The following CARMIL1 variants were observed in gnomAD, a reference collection of about 807,000 sequenced individuals.
CARMIL1 encodes F-actin-uncapping protein LRRC16A.
A neutral mutation model predicts 177.1 loss-of-function variants in CARMIL1; 90 were observed. That is an observed-to-expected ratio of 0.51 (90% CI 0.43 to 0.61). The LOEUF is 0.61. Among genes scored for constraint, CARMIL1 ranks in the 20% least tolerant of loss-of-function variants. The pLI is 0.00. For synonymous variants in CARMIL1, 577 were observed against 606.2 expected, an observed-to-expected ratio of 0.95 and a Z score of 0.71; for missense variants, 1,380 against 1,667.0, an observed-to-expected ratio of 0.83 and a Z score of 3.00.
chr6:25,379,686 C>T (rs1791341118), intron 2 of CARMIL1, among the ~76,000 whole-genome samples: 1 of 152,150 alleles, frequency 6.6e-6, no homozygotes, highest in South Asian at 2.1e-4. Flanking sequence ...TGCCTTTGAT[C>T]TCTTCACATT....
rs1300643402 is a variant in CARMIL1 at position 25,340,619 on chromosome 6, A to T, written c.138+55710A>T. ...CAAACCCTGGCCACCTATCTTTGAGATATATGCTGTTGGCCACAGGAGCAT... is the reference window on the plus strand; with the variant it reads ...CAAACCCTGGCCACCTATCTTTGAGTTATATGCTGTTGGCCACAGGAGCAT... On this transcript the variant is annotated intron_variant, in intron 2 of 36. Coordinates refer to ENST00000329474, the MANE Select transcript of CARMIL1 (RefSeq NM_017640.6). 2.0e-5 allele frequency among the ~76,000 whole-genome samples: 3 copies of T among 152,144 alleles called. No individual in the cohort carries two copies. The East Asian group carries it at 5.8e-4, about 29-fold the overall frequency.
chr6:25,431,737 C>A (rs550866566), intron 4 of CARMIL1, among the ~76,000 whole-genome samples: 1 of 152,172 alleles, frequency 6.6e-6, no homozygotes, highest in South Asian at 2.1e-4. Context: ...ATTGGTCTTA[C>A]CACACTTGTA....
Position 25,465,633 on chromosome 6 carries a change from G to C in CARMIL1, c.615-240G>C, listed in dbSNP as rs577905919. 36 of 458,020 alleles carry C rather than the reference G, an allele frequency of 7.9e-5. No homozygotes were observed. The South Asian group carries it at 9.3e-4, about 12-fold the overall frequency. 28.4% of individuals were successfully genotyped at this position (458,020 alleles called of 1,614,324 possible). On this transcript the variant is annotated intron_variant, in intron 8 of 36. Transcript: ENST00000329474. ...CAAGGAGGTTTTTCAAGCAAATTCT[G>C]ATACCAACCTCTTTCCTTTGGAAGT...
chr6:25,448,904 C>CCAGGGATT (rs1262605669), intron 5 of CARMIL1, among the ~76,000 whole-genome samples: 5 of 148,112 alleles, frequency 3.4e-5, no homozygotes, highest in African/African-American at 9.9e-5. Context: ...TTACCACACA[C>CCAGGGATT]CAGGGATTCT....
At chr6:25,317,400 A>G (rs1171801402) in intron 2 of CARMIL1, among the ~76,000 whole-genome samples, 1 of 152,054 alleles carries the variant, frequency 6.6e-6, no homozygotes, top group Non-Finnish European at 1.5e-5. Flanking sequence ...CCAAAGTCTC[A>G]AAGTGTTGGG....
At chr6:25,325,857 G>C (rs1785041929) in intron 2 of CARMIL1, among the ~76,000 whole-genome samples, 2 of 152,020 alleles carry the variant, frequency 1.3e-5, no homozygotes. Flanking sequence ...GTGGGGAGCT[G>C]TGTAGGATAG....
chr6:25,475,913 A>G (rs930283821), intron 11 of CARMIL1, among the ~76,000 whole-genome samples: 2 of 152,142 alleles, frequency 1.3e-5, no homozygotes, highest in African/African-American at 2.4e-5. Context: ...TTCTGCCCAC[A>G]TGAGAACTAG....
At chr6:25,391,417 G>T (rs536104680) in intron 2 of CARMIL1, among the ~76,000 whole-genome samples, 1 of 152,270 alleles carries the variant, frequency 6.6e-6, no homozygotes, top group African/African-American at 2.4e-5. Flanking sequence ...CTAGACAATA[G>T]CTGACAGGAG....
chr6:25,407,034 A>G (rs2150609366), intron 2 of CARMIL1, among the ~76,000 whole-genome samples: 1 of 152,238 alleles, frequency 6.6e-6, no homozygotes, highest in Non-Finnish European at 1.5e-5. Flanking sequence ...TGCTAAGGAG[A>G]AATCTGGTTA....
intron 12 of CARMIL1, among the ~76,000 whole-genome samples, chr6:25,482,750 C>T (rs766409815): frequency 6.6e-6 from 1 of 152,162 alleles, no homozygotes; most frequent in Non-Finnish European, 1.5e-5. Flanking sequence ...TGTGAATCAC[C>T]ACTGTAGCTC....
At chr6:25,463,947 C>T (rs1191551429) in intron 8 of CARMIL1, among the ~76,000 whole-genome samples, 4 of 150,160 alleles carry the variant, frequency 2.7e-5, no homozygotes, top group South Asian at 2.1e-4. Context: ...CTCAGCCTCC[C>T]GAGTAGCTGG....
intron 3 of CARMIL1, among the ~76,000 whole-genome samples, chr6:25,423,274 G>A (rs1380966824): frequency 2.0e-5 from 3 of 152,154 alleles, no homozygotes; most frequent in Non-Finnish European, 4.4e-5. Context: ...AAACGGACAT[G>A]TGCATCTCAG....
chr6:25,594,756 G>A (rs1814656010), intron 32 of CARMIL1, among the ~76,000 whole-genome samples: 1 of 152,146 alleles, frequency 6.6e-6, no homozygotes. Context: ...AAGCTCTGGA[G>A]GTTGGGCCCA....
intron 2 of CARMIL1, among the ~76,000 whole-genome samples, chr6:25,366,030 G>C (rs1174864169): frequency 1.3e-5 from 2 of 152,178 alleles, no homozygotes; most frequent in East Asian, 3.9e-4. Flanking sequence ...ACAGTGTCTT[G>C]CTCTGTTGCT....
At chr6:25,430,886 A>T (rs1254694025) in intron 4 of CARMIL1, among the ~76,000 whole-genome samples, 1 of 152,192 alleles carries the variant, frequency 6.6e-6, no homozygotes, top group Non-Finnish European at 1.5e-5. Context: ...AGTTGTTAAT[A>T]ATATCCACTT....
intron 31 of CARMIL1, among the ~76,000 whole-genome samples, chr6:25,591,624 T>G (rs984857732): frequency 6.6e-6 from 1 of 152,238 alleles, no homozygotes; most frequent in Non-Finnish European, 1.5e-5. Flanking sequence ...AGCATGTACA[T>G]TTGACCTTGA....
At chr6:25,302,149 A>G (rs779062241) in intron 2 of CARMIL1, among the ~76,000 whole-genome samples, 10 of 152,310 alleles carry the variant, frequency 6.6e-5, no homozygotes, top group Middle Eastern at 3.4e-3. Flanking sequence ...CACTGACCCT[A>G]TCCAGTTGGT....
At chr6:25,525,284 C>G (rs1451266973) in intron 23 of CARMIL1, among the ~76,000 whole-genome samples, 1 of 152,134 alleles carries the variant, frequency 6.6e-6, no homozygotes, top group African/African-American at 2.4e-5. Context: ...TTACGTCACT[C>G]TTTTTGTCAG....
intron 29 of CARMIL1, among the ~76,000 whole-genome samples, chr6:25,559,831 C>A (rs1316750579): frequency 2.0e-5 from 3 of 152,132 alleles, no homozygotes; most frequent in Admixed American, 2.0e-4. Context: ...ACCCTTTTGT[C>A]CCCTGCCCCT....
Sources: gnomAD v4.1 joint callset for allele counts (sites outside exome capture counted in the v4.1 genomes callset) on GRCh38, gnomAD v4.1.1 for gene constraint, MANE v1.5 for transcripts, NCBI Gene and HGNC (gene_info 2026-07-23, HGNC 2026-07-21) for gene names.